Variants in PZP observed in about 807,000 individuals in gnomAD.
PZP encodes the protein pregnancy zone protein.
Under a neutral mutation model 179.8 loss-of-function variants are expected in PZP, and 150 were observed. The ratio of observed to expected loss-of-function variants is 0.83; its 90% CI spans 0.73 to 0.96. The LOEUF (loss-of-function observed/expected upper bound fraction) is 0.96. Among genes scored for constraint, PZP ranks in the 40% least tolerant of loss-of-function variants. The probability of loss-of-function intolerance (pLI) is 0.00; values close to 1 mark genes in which losing one functional copy is unlikely to be tolerated. For missense variants in PZP, 1,689 were observed against 1,764.0 expected, an observed-to-expected ratio of 0.96 and a Z score of 0.76; for synonymous variants, 624 against 652.3, an observed-to-expected ratio of 0.96 and a Z score of 0.66.
Position 9,192,209 on chromosome 12 carries a change from A to G in PZP, c.1530T>C (p.Pro510=), listed in dbSNP as rs1943496099. The G allele has an allele frequency of 6.2e-7, 1 of 1,613,962 alleles. No homozygotes were observed. The highest frequency in any genetic ancestry group is 8.5e-7 in the Non-Finnish European group (1 of 1,179,814). The change falls in exon 13 of 36, where the codon CCT becomes CCC. Residue 510 remains proline, a synonymous_variant. Coordinates refer to ENST00000261336, the MANE Select transcript of PZP (RefSeq NM_002864.3). ...GATACTCACTGTCTCCTGACTCCAC[A>G]GGCAGAGTGTGGGTTCCAGATCTGA... ...VIVRSGTHTL[P]VESGDMKGSF...
At position 9,148,930 on chromosome 12, in the gene PZP, A is replaced by G. The variant is rs1041296993; in HGVS notation, c.*42T>C. 3.9e-6 allele frequency: 6 copies of G among 1,539,996 alleles called. No individual in the cohort carries two copies. Among genetic ancestry groups the G allele is most frequent in the Non-Finnish European group, 5.4e-6 (6 of 1,113,962 alleles). On this transcript the variant is annotated 3_prime_UTR_variant, in exon 36 of 36. Coordinates refer to ENST00000261336, the MANE Select transcript of PZP (RefSeq NM_002864.3). ...AACTCCATTCCTTCTAAGTAAATGT[A>G]TAGGACAGAGAATCCACCAAAATAT...
At chr12:9,153,372 A>T (rs1250107080) in intron 29 of PZP, 29 bp from the exon 30 acceptor site, 5 of 1,580,306 alleles carry the variant, frequency 3.2e-6, no homozygotes, top group Non-Finnish European at 4.3e-6. Flanking sequence ...CAACCGCCCC[A>T]AAGAGTAAAT....
At chr12:9,149,498 G>T (rs1940190537) in intron 35 of PZP, 63 bp downstream of exon 35, 1 of 1,459,916 alleles carries the variant, frequency 6.8e-7, no homozygotes, top group Non-Finnish European at 9.4e-7. Context: ...AATTTAAATT[G>T]CAGGGGCCCT....
rs1221287528 is a variant in PZP at position 9,168,862 on chromosome 12, G to A, written c.2107+7C>T. 1 of 1,599,004 alleles carries A rather than the reference G, an allele frequency of 6.3e-7. No homozygotes were observed. The highest frequency in any genetic ancestry group is 2.2e-5 in the East Asian group (1 of 44,758). On this transcript the variant is annotated splice_region_variant and intron_variant, in intron 17 of 35. Coordinates refer to ENST00000261336, the MANE Select transcript of PZP (RefSeq NM_002864.3). ...GAAATAAAATTAAAAGCAAATTGCT[G>A]TTTTACCTCCATAGTATCCTTGACC... is the stretch of plus-strand genomic sequence containing the variant.
At chr12:9,163,887 T>C in intron 20 of PZP, 98 bp from the exon 21 acceptor site, 3 of 1,423,110 alleles carry the variant, frequency 2.1e-6, no homozygotes, top group Non-Finnish European at 2.8e-6. Context: ...GAATAGAAAA[T>C]AAGGCTAAAA....
intron 1 of PZP, among the ~76,000 whole-genome samples, chr12:9,207,041 G>A (rs1276917123): frequency 6.6e-6 from 1 of 152,176 alleles, no homozygotes; most frequent in African/African-American, 2.4e-5. Flanking sequence ...ACCCCTACCG[G>A]TTGCCAGGAA....
chr12:9,143,154 A>G, the PZP span, among the ~76,000 whole-genome samples: 1 of 152,230 alleles, frequency 6.6e-6, no homozygotes, highest in Non-Finnish European at 1.5e-5. Flanking sequence ...AAGTTAAATT[A>G]AAGGATTGGG....
At chr12:9,161,197 T>C in intron 22 of PZP, 81 bp from the exon 23 acceptor site, 5 of 1,185,392 alleles carry the variant, frequency 4.2e-6, no homozygotes, top group Non-Finnish European at 6.0e-6. Flanking sequence ...AGTGAGAGCT[T>C]CAGAGCCACA....
At chr12:9,196,534 T>C (rs1336513820) in intron 9 of PZP, 37 bp downstream of exon 9, 1 of 1,570,436 alleles carries the variant, frequency 6.4e-7, no homozygotes, top group South Asian at 1.1e-5. Flanking sequence ...GAAAGTAAAC[T>C]ATTGTTTTAT....
intron 26 of PZP, 138 bp from the exon 27 acceptor site, chr12:9,157,979 G>A (rs1940886489): frequency 9.1e-6 from 7 of 768,554 alleles, no homozygotes; most frequent in Middle Eastern, 2.3e-4. Flanking sequence ...CTCTCGACAG[G>A]TTCTTGCTCT....
the PZP span, among the ~76,000 whole-genome samples, chr12:9,139,277 G>T: frequency 9.2e-5 from 14 of 151,834 alleles, no homozygotes; most frequent in Non-Finnish European, 2.1e-4. Flanking sequence ...ATTTTGTTGT[G>T]GCCAGAAAGA....
Position 9,166,039 on chromosome 12 carries a change from T to C in PZP, c.2258+13A>G, listed in dbSNP as rs1203408066. 1.9e-6 allele frequency: 3 copies of C among 1,593,164 alleles called. No homozygotes were observed. The highest frequency in any genetic ancestry group is 3.7e-5 in the Admixed American group (2 of 53,944). On this transcript the variant is annotated intron_variant, in intron 18 of 35. Transcript: ENST00000261336. Reference sequence around the variant, plus strand: ...CTCCCCTCCAGCAAATGGAGGAAAGTAAAGTTACTTACTTCACTGCCACCA... The same window carrying C: ...CTCCCCTCCAGCAAATGGAGGAAAGCAAAGTTACTTACTTCACTGCCACCA...
downstream of PZP, among the ~76,000 whole-genome samples, chr12:9,147,657 TGTCATC>T (rs1940080355): frequency 6.6e-6 from 1 of 152,192 alleles, no homozygotes; most frequent in East Asian, 1.9e-4. Flanking sequence ...TTTCCTACTC[TGTCATC>T]TTGCTGACTT....
chr12:9,158,397 C>T, intron 26 of PZP, 23 bp downstream of exon 26: 2 of 1,613,326 alleles, frequency 1.2e-6, no homozygotes. Flanking sequence ...GTGTCAGGCT[C>T]AGAAGTTTGT....
chr12:9,156,669 G>A (rs1397269028), intron 28 of PZP, among the ~76,000 whole-genome samples: 2 of 152,164 alleles, frequency 1.3e-5, no homozygotes, highest in Non-Finnish European at 2.9e-5. Flanking sequence ...GCAGCATTAT[G>A]TCTATTATGT....
Position 9,168,930 on chromosome 12 carries a change from T to C in PZP, c.2046A>G (p.Pro682=), listed in dbSNP as rs777172422. ...CGGAAGGGATGACTGAACACGACTTTGGTTTTCGGATTTTTGAGTTAGTGA... is the reference window on the plus strand; with the variant it reads ...CGGAAGGGATGACTGAACACGACTTCGGTTTTCGGATTTTTGAGTTAGTGA... The part of the protein sequence containing the change: ...KVFTNSKIRK[P]KSCSVIPSVS... The change falls in exon 17 of 36, where the codon CCA becomes CCG. Residue 682 remains proline (P), a synonymous_variant. Transcript: ENST00000261336. 6.2e-7 allele frequency: 1 copy of C among 1,614,154 alleles called. No individual in the cohort carries two copies. Among genetic ancestry groups the C allele is most frequent in the African/African-American group, 1.3e-5 (1 of 75,072 alleles).
chr12:9,150,475 G>T (rs995826778), intron 34 of PZP, among the ~76,000 whole-genome samples, 169 bp downstream of exon 34: 6 of 151,996 alleles, frequency 3.9e-5, no homozygotes, highest in Non-Finnish European at 7.4e-5. Context: ...GTAGAGATGG[G>T]GTTTTGCTAT....
At chr12:9,204,529 G>A (rs1944351405) in intron 1 of PZP, among the ~76,000 whole-genome samples, 1 of 152,142 alleles carries the variant, frequency 6.6e-6, no homozygotes, top group African/African-American at 2.4e-5. Flanking sequence ...CTGAAAAAAA[G>A]TATTTGCTGT....
In PZP at chr12:9,196,335, C is replaced by T; in HGVS notation, c.1087G>A (p.Ala363Thr). 1 of 1,604,686 alleles carries T rather than the reference C, an allele frequency of 6.2e-7. No homozygotes were observed. Among genetic ancestry groups the T allele is most frequent in the Non-Finnish European group, 8.5e-7 (1 of 1,171,898 alleles). The change falls in exon 10 of 36, where the codon GCA becomes ACA. Residue 363 changes from alanine to threonine, a missense_variant. Coordinates refer to ENST00000261336, the MANE Select transcript of PZP (RefSeq NM_002864.3). Reference sequence around the variant, plus strand: ...TGCATTACAACATATCTTACCTGTGCAAAAAAGGGGATTCCTTGTCTAAAG... The same window carrying T: ...TGCATTACAACATATCTTACCTGTGTAAAAAAGGGGATTCCTTGTCTAAAG... ...SHFRQGIPFF[A>T]QVLLVDGKGV... is the part of the protein sequence containing the mutation.
Sources: allele counts gnomAD v4.1 joint callset (sites outside exome capture counted in the v4.1 genomes callset), GRCh38; gene constraint gnomAD v4.1.1; transcripts MANE v1.5; gene names NCBI Gene and HGNC (gene_info 2026-07-23, HGNC 2026-07-21).